Variants in FOXJ3 observed in about 807,000 individuals in gnomAD.
FOXJ3 encodes the protein forkhead box J3.
FOXJ3 carries 22 observed loss-of-function variants against 76.1 expected under a neutral mutation model. The observed-to-expected ratio is 0.29, with a 90% CI of 0.21 to 0.41. The LOEUF (loss-of-function observed/expected upper bound fraction) is 0.41. Ranked by LOEUF, FOXJ3 falls within the 10% of genes least tolerant of loss-of-function variation. The pLI is 1.00. For missense variants in FOXJ3, 613 were observed against 762.1 expected (o/e 0.80, Z 2.30); for synonymous variants, 269 against 261.2 (o/e 1.03, Z -0.29).
chr1:42,244,072 T>C (rs1012821856), intron 4 of FOXJ3, among the ~76,000 whole-genome samples: 9 of 152,118 alleles, frequency 5.9e-5, no homozygotes, highest in Non-Finnish European at 1.0e-4. Flanking sequence ...TGAATGACTA[T>C]TGGCTCAATA....
chr1:42,273,400 G>A (rs1445847247), intron 3 of FOXJ3, among the ~76,000 whole-genome samples: 7 of 152,098 alleles, frequency 4.6e-5, no homozygotes, highest in South Asian at 2.1e-4. Flanking sequence ...AGGACCAGGC[G>A]TGGTGGCTCA....
At chr1:42,316,345 T>TTTTTTTTTTTTTTTC (rs1177280349) in intron 1 of FOXJ3, among the ~76,000 whole-genome samples, 1 of 140,660 alleles carries the variant, frequency 7.1e-6, no homozygotes, top group Non-Finnish European at 1.6e-5. Context: ...TTTTTTTTTT[T>TTTTTTTTTTTTTTTC]TTTTCTGTAG....
chr1:42,313,099 C>T (rs1049549829), intron 1 of FOXJ3, among the ~76,000 whole-genome samples: 2 of 152,144 alleles, frequency 1.3e-5, no homozygotes, highest in Non-Finnish European at 2.9e-5. Context: ...CTTTGGGAGG[C>T]CGAGGCGGCC....
At position 42,210,952 on chromosome 1, in the gene FOXJ3, C is replaced by T. The variant is rs77138030; in HGVS notation, c.529-5089G>A. Reference sequence around the variant, plus strand: ...GGGAGGGGGTGGGGCGGGGAGTGTACATCATTAAGGGAGCACCTCATGAGA... The same window carrying T: ...GGGAGGGGGTGGGGCGGGGAGTGTATATCATTAAGGGAGCACCTCATGAGA... On this transcript the variant is annotated intron_variant, in intron 5 of 12. Coordinates refer to ENST00000361346, the MANE Select transcript of FOXJ3 (RefSeq NM_014947.5). Among the ~76,000 whole-genome samples the T allele has an allele frequency of 8.8e-3, 1,332 of 152,216 alleles. 25 individuals carry two copies. The highest frequency in any genetic ancestry group is 0.03 in the African/African-American group (1,253 of 41,516).
chr1:42,266,493 C>G (rs912923210), intron 3 of FOXJ3, among the ~76,000 whole-genome samples: 15 of 152,132 alleles, frequency 9.9e-5, no homozygotes, highest in African/African-American at 3.6e-4. Context: ...TCACCTTTGG[C>G]AGAGCACAGG....
chr1:42,236,429 C>G (rs1290520336), intron 4 of FOXJ3, among the ~76,000 whole-genome samples: 1 of 152,178 alleles, frequency 6.6e-6, no homozygotes, highest in Non-Finnish European at 1.5e-5. Flanking sequence ...CTTCCGGCCT[C>G]TAAGTATCTT....
At position 42,191,406 on chromosome 1, in the gene FOXJ3, C is replaced by A. The variant is rs138136512; in HGVS notation, c.1248G>T (p.Gln416His). The change falls in exon 9 of 13, where the codon CAG (glutamine) becomes CAT (histidine). Residue 416 changes from glutamine (Q) to histidine (H), a missense_variant. By Grantham distance (24) the Gln-to-His change is conservative (BLOSUM62 0). Around this residue, in one of 3 missense-constraint regions of FOXJ3, gnomAD observed 526 missense variants for 601.4 expected, o/e 0.87. Transcript: ENST00000361346. ...GTATGTGTTGATGTGGAGAGGGATG[C>A]TGGGGGTGAGGGGACTGGAGCTGGC... is the stretch of plus-strand genomic sequence containing the variant. The part of the protein sequence containing the change: ...QHSQLQSPHP[Q>H]HPSPHQHIQH... 1.9e-4 allele frequency: 302 copies of A among 1,608,856 alleles called. No individual in the cohort carries two copies. Among genetic ancestry groups the A allele is most frequent in the Non-Finnish European group, 2.5e-4 (299 of 1,175,826 alleles).
At chr1:42,310,792 T>G (rs1450572573) in intron 2 of FOXJ3, among the ~76,000 whole-genome samples, 3 of 152,186 alleles carry the variant, frequency 2.0e-5, no homozygotes, top group Admixed American at 6.5e-5. Context: ...GTGTTAATTA[T>G]GTTGTTTCAT....
intron 3 of FOXJ3, among the ~76,000 whole-genome samples, chr1:42,265,937 A>T (rs1313409381): frequency 6.6e-6 from 1 of 152,154 alleles, no homozygotes; most frequent in East Asian, 1.9e-4. Context: ...TTTGTTCATG[A>T]ATAGGTAGGA....
intron 4 of FOXJ3, among the ~76,000 whole-genome samples, chr1:42,237,939 C>CACACACACAT (rs780877193): frequency 1.4e-5 from 2 of 138,942 alleles, no homozygotes; most frequent in Admixed American, 7.2e-5. Context: ...CACACACACA[C>CACACACACAT]ATATATATAG....
intron 7 of FOXJ3, among the ~76,000 whole-genome samples, chr1:42,196,218 G>A (rs1646648202): frequency 6.6e-6 from 1 of 152,130 alleles, no homozygotes; most frequent in African/African-American, 2.4e-5. Flanking sequence ...GGGATGTAGG[G>A]AGCTGACACC....
chr1:42,210,452 T>C (rs998678122), intron 5 of FOXJ3, among the ~76,000 whole-genome samples: 13 of 152,138 alleles, frequency 8.5e-5, no homozygotes, highest in African/African-American at 3.1e-4. Flanking sequence ...GGTGTTCTTT[T>C]GCAAGCATCA....
At chr1:42,284,602 A>T (rs548881072) in intron 2 of FOXJ3, among the ~76,000 whole-genome samples, 1 of 152,316 alleles carries the variant, frequency 6.6e-6, no homozygotes, top group East Asian at 1.9e-4. Flanking sequence ...GAGGTAGGTG[A>T]GTGTACCTAC....
intron 2 of FOXJ3, among the ~76,000 whole-genome samples, chr1:42,287,637 T>C (rs1653144168): frequency 6.6e-6 from 1 of 152,072 alleles, no homozygotes; most frequent in African/African-American, 2.4e-5. Context: ...AACTGGGTTC[T>C]GAATTTATAC....
At chr1:42,298,973 A>C (rs1022786123) in intron 2 of FOXJ3, among the ~76,000 whole-genome samples, 2 of 152,156 alleles carry the variant, frequency 1.3e-5, no homozygotes, top group Non-Finnish European at 2.9e-5. Flanking sequence ...TTGGTATTTG[A>C]TTTCTAATTT....
chr1:42,230,460 G>A (rs1487821012), intron 4 of FOXJ3, among the ~76,000 whole-genome samples: 1 of 152,168 alleles, frequency 6.6e-6, no homozygotes, highest in South Asian at 2.1e-4. Flanking sequence ...GAGAGATCCT[G>A]TGGATGGGAC....
At chr1:42,189,507 G>A in intron 9 of FOXJ3, 103 bp from the exon 10 acceptor site, 2 of 780,094 alleles carry the variant, frequency 2.6e-6, no homozygotes, top group Non-Finnish European at 4.3e-6. Context: ...GCTGATTCTT[G>A]TCCCGTCTTA....
intron 4 of FOXJ3, among the ~76,000 whole-genome samples, chr1:42,229,077 A>C (rs1647842134): frequency 6.6e-6 from 1 of 152,112 alleles, no homozygotes; most frequent in African/African-American, 2.4e-5. Flanking sequence ...TTCCTGTCCT[A>C]CACGCTGACC....
chr1:42,291,150 T>C (rs1653411869), intron 2 of FOXJ3, among the ~76,000 whole-genome samples: 1 of 151,904 alleles, frequency 6.6e-6, no homozygotes, highest in South Asian at 2.1e-4. Context: ...GACAAGTCAG[T>C]GGGGAAAGGA....
Sources: allele counts gnomAD v4.1 joint callset (sites outside exome capture counted in the v4.1 genomes callset), GRCh38; gene constraint gnomAD v4.1.1; regional missense constraint gnomAD v4.1.1; transcripts MANE v1.5; gene names NCBI Gene and HGNC (gene_info 2026-07-23, HGNC 2026-07-21).